SPATS2: variants seen among roughly 807,000 people sequenced by gnomAD.
The protein encoded by SPATS2 is spermatogenesis associated serine rich 2, also known as spermatogenesis-associated serine-rich protein 2.
SPATS2 carries 38 observed loss-of-function variants against 63.7 expected under a neutral mutation model. The observed-to-expected ratio is 0.60, with a 90% CI of 0.46 to 0.78. The LOEUF (loss-of-function observed/expected upper bound fraction) is 0.78. Ranked by LOEUF, SPATS2 falls within the 30% of genes least tolerant of loss-of-function variation. The pLI is 0.00. For missense variants in SPATS2, 588 were observed against 666.2 expected, an observed-to-expected ratio of 0.88 and a Z score of 1.29; for synonymous variants, 207 against 232.9, an observed-to-expected ratio of 0.89 and a Z score of 1.01.
At chr12:49,370,763 T>C (rs1453961824) in intron 1 of SPATS2, among the ~76,000 whole-genome samples, 1 of 152,210 alleles carries the variant, frequency 6.6e-6, no homozygotes, top group Non-Finnish European at 1.5e-5. Flanking sequence ...TGGTATTGGC[T>C]AGTTTGTTTA....
chr12:49,440,908 A>G (rs1473592117), intron 2 of SPATS2, among the ~76,000 whole-genome samples: 1 of 152,228 alleles, frequency 6.6e-6, no homozygotes, highest in East Asian at 1.9e-4. Context: ...TAAGTATTTC[A>G]GGAGCCACAT....
chr12:49,425,971 T>A lies in SPATS2; in HGVS notation c.-243-34799T>A, dbSNP rs11169010. On this transcript the variant is annotated intron_variant, in intron 2 of 13. Coordinates refer to ENST00000552918, the MANE Select transcript of SPATS2 (RefSeq NM_023071.4). Reference sequence around the variant, plus strand: ...CATGACAATTATGTAATTGTAATTATGAGCACAACTGGCATTAAGTAGGTT... The same window carrying A: ...CATGACAATTATGTAATTGTAATTAAGAGCACAACTGGCATTAAGTAGGTT... 1.8e-4 allele frequency among the ~76,000 whole-genome samples: 27 copies of A among 152,336 alleles called. No individual in the cohort carries two copies. In the East Asian group the frequency reaches 5.0e-3, roughly 28 times the overall value.
intron 2 of SPATS2, chr12:49,406,443 CCTGA>C (rs967482785): frequency 2.0e-5 from 3 of 150,932 alleles, no homozygotes; most frequent in African/African-American, 7.4e-5. Context: ...CACCACCATA[CCTGA>C]CTAATTTTTT....
intron 1 of SPATS2, among the ~76,000 whole-genome samples, chr12:49,370,743 C>T (rs1288500525): frequency 2.6e-5 from 4 of 152,208 alleles, no homozygotes; most frequent in Non-Finnish European, 4.4e-5. Flanking sequence ...GCCTCAGCTT[C>T]CAGAGTAGCT....
At chr12:49,442,409 A>G (rs1945434949) in intron 2 of SPATS2, 1 of 153,042 alleles carries the variant, frequency 6.5e-6, no homozygotes, top group Non-Finnish European at 1.5e-5. Context: ...GGTATTTGAT[A>G]TTAATCAAAC....
chr12:49,426,133 G>A (rs1945071478), intron 2 of SPATS2, among the ~76,000 whole-genome samples: 1 of 152,106 alleles, frequency 6.6e-6, no homozygotes, highest in Admixed American at 6.6e-5. Flanking sequence ...AAGGGTAATG[G>A]ATAGCATCAG....
intron 2 of SPATS2, among the ~76,000 whole-genome samples, chr12:49,424,038 A>C (rs1377799577): frequency 1.3e-5 from 2 of 152,142 alleles, no homozygotes; most frequent in Non-Finnish European, 2.9e-5. Context: ...CTCCATTTCT[A>C]CTAAAAATAC....
At chr12:49,465,221 A>C (rs1276182167) in intron 3 of SPATS2, among the ~76,000 whole-genome samples, 1 of 152,148 alleles carries the variant, frequency 6.6e-6, no homozygotes, top group Non-Finnish European at 1.5e-5. Flanking sequence ...TCTCTTGTGG[A>C]GGTACTTAGG....
intron 2 of SPATS2, among the ~76,000 whole-genome samples, chr12:49,421,518 C>T (rs980082664): frequency 6.6e-6 from 1 of 151,534 alleles, no homozygotes; most frequent in Admixed American, 6.6e-5. Flanking sequence ...GGATACAAAT[C>T]CCACAGAATC....
In SPATS2 at chr12:49,489,735, T is replaced by TA. The variant is rs547393721; in HGVS notation, c.214+164dup. On this transcript the variant is annotated intron_variant, in intron 5 of 13. Coordinates refer to ENST00000552918, the MANE Select transcript of SPATS2 (RefSeq NM_023071.4). ...TTGACGATACCTCTTTCAGCTGAAATAAGCTATGTGGTGTCTATAATAAGA... is the reference window on the plus strand; with the variant it reads ...TTGACGATACCTCTTTCAGCTGAAATAAAGCTATGTGGTGTCTATAATAAGA... 5.3e-4 allele frequency among the ~76,000 whole-genome samples: 81 copies of TA among 152,318 alleles called. 1 individual carries two copies. The highest frequency in any genetic ancestry group is 1.9e-3 in the African/African-American group (78 of 41,562).
intron 2 of SPATS2, among the ~76,000 whole-genome samples, chr12:49,380,718 T>A (rs972184884): frequency 2.4e-4 from 36 of 149,844 alleles, no homozygotes; most frequent in African/African-American, 9.1e-4. Context: ...AAAAAAAATA[T>A]ATATATATAT....
At chr12:49,389,208 C>T (rs1555178603) in intron 2 of SPATS2, among the ~76,000 whole-genome samples, 4 of 152,172 alleles carry the variant, frequency 2.6e-5, no homozygotes, top group Non-Finnish European at 1.5e-5. Flanking sequence ...CGCAAAGCTT[C>T]AAGTGTTCGG....
chr12:49,521,908 G>A (rs1012083897), intron 11 of SPATS2, among the ~76,000 whole-genome samples: 6 of 151,834 alleles, frequency 4.0e-5, no homozygotes, highest in African/African-American at 1.5e-4. Flanking sequence ...GTTGCTTCCC[G>A]AGAATTCTGA....
intron 2 of SPATS2, among the ~76,000 whole-genome samples, chr12:49,458,997 C>T (rs555145083): frequency 2.0e-5 from 3 of 152,222 alleles, no homozygotes; most frequent in Non-Finnish European, 4.4e-5. Flanking sequence ...CATGATAAAT[C>T]TAAGTACTGG....
intron 2 of SPATS2, among the ~76,000 whole-genome samples, chr12:49,417,773 T>C (rs1355567851): frequency 1.3e-5 from 2 of 152,260 alleles, no homozygotes; most frequent in Non-Finnish European, 2.9e-5. Flanking sequence ...ACAACACTTC[T>C]GGGAAGAAGA....
At chr12:49,388,588 C>G (rs1944362285) in intron 2 of SPATS2, among the ~76,000 whole-genome samples, 2 of 151,786 alleles carry the variant, frequency 1.3e-5, no homozygotes, top group Non-Finnish European at 2.9e-5. Context: ...GTTACTCAGG[C>G]TGGTCTTGAA....
At chr12:49,491,345 A>T (rs935605382) in intron 6 of SPATS2, among the ~76,000 whole-genome samples, 9 of 152,086 alleles carry the variant, frequency 5.9e-5, no homozygotes, top group African/African-American at 2.2e-4. Flanking sequence ...TCATACCATA[A>T]ATCAGTTAAA....
chr12:49,507,817 TATA>T (rs1473091451), intron 9 of SPATS2, among the ~76,000 whole-genome samples: 3 of 152,244 alleles, frequency 2.0e-5, no homozygotes, highest in Non-Finnish European at 4.4e-5. Context: ...ATCTGGAATG[TATA>T]ATGATTTACC....
chr12:49,422,253 G>C (rs1592380095), intron 2 of SPATS2, among the ~76,000 whole-genome samples: 1 of 152,156 alleles, frequency 6.6e-6, no homozygotes, highest in African/African-American at 2.4e-5. Context: ...TTTGTTCTTG[G>C]GAAACTCGCA....
Sources: gnomAD v4.1 joint callset for allele counts (sites outside exome capture counted in the v4.1 genomes callset) on GRCh38, gnomAD v4.1.1 for gene constraint, MANE v1.5 for transcripts, NCBI Gene and HGNC (gene_info 2026-07-23, HGNC 2026-07-21) for gene names.